QKI: variants seen among roughly 807,000 people sequenced by gnomAD.
QKI encodes the protein KH domain-containing RNA-binding protein QKI.
In QKI, 10 loss-of-function variants were observed where a neutral mutation model predicts 39.0. That is an observed-to-expected ratio of 0.26 (90% CI 0.16 to 0.43). QKI has a LOEUF of 0.43. Among genes scored for constraint, QKI ranks in the 20% least tolerant of loss-of-function variants. QKI has a pLI of 1.00. For synonymous variants in QKI, 204 were observed against 155.4 expected (o/e 1.31, Z -2.33); for missense variants, 218 against 428.0 (o/e 0.51, Z 4.33).
chr6:163,502,530 AATGTTT>A (rs1275399440), intron 3 of QKI, among the ~76,000 whole-genome samples: 1 of 152,078 alleles, frequency 6.6e-6, no homozygotes, highest in Admixed American at 6.5e-5. Context: ...AGATAAAGTG[AATGTTT>A]ATCCCCCTGC....
chr6:163,532,551 G>C (rs978473911), intron 3 of QKI, among the ~76,000 whole-genome samples: 1 of 152,182 alleles, frequency 6.6e-6, no homozygotes. Flanking sequence ...CTTTTAAAAT[G>C]TATTTAGTTG....
chr6:163,517,808 CTCTT>C (rs1437638010), intron 3 of QKI, among the ~76,000 whole-genome samples: 2 of 152,084 alleles, frequency 1.3e-5, no homozygotes, highest in African/African-American at 4.8e-5. Flanking sequence ...AATAGTGTCT[CTCTT>C]TATTTTGTCG....
At chr6:163,540,147 A>G (rs1289011735) in intron 4 of QKI, among the ~76,000 whole-genome samples, 2 of 152,006 alleles carry the variant, frequency 1.3e-5, no homozygotes, top group Non-Finnish European at 2.9e-5. Context: ...TTTTTTAGAA[A>G]GACAAAGAGT....
rs1185644817 is a variant in QKI at position 163,577,147 on chromosome 6, A to G, written c.*6437A>G. The G allele has an allele frequency of 6.6e-6, 1 of 152,150 alleles. No homozygotes were observed. The highest frequency in any genetic ancestry group is 1.5e-5 in the Non-Finnish European group (1 of 68,014). 9.4% of individuals were successfully genotyped at this position (152,150 alleles called of 1,614,324 possible). A position where few individuals can be genotyped will look rare whatever the true frequency, so the allele number is the denominator to read the frequency against. On this transcript the variant is annotated 3_prime_UTR_variant, in exon 8 of 8. Coordinates refer to ENST00000361752, the MANE Select transcript of QKI (RefSeq NM_006775.3). Reference sequence around the variant, plus strand: ...TACGAGTCTTTAACATCTAAATGTTATGACTCCTTGTACCTTAAGTTTTCC... The same window carrying G: ...TACGAGTCTTTAACATCTAAATGTTGTGACTCCTTGTACCTTAAGTTTTCC...
At chr6:163,489,157 G>A (rs1053217997) in intron 3 of QKI, among the ~76,000 whole-genome samples, 5 of 119,432 alleles carry the variant, frequency 4.2e-5, no homozygotes, top group African/African-American at 1.5e-4. Context: ...GCCTTTATTC[G>A]TTTTTTTTTT....
At chr6:163,433,765 C>T (rs1350508823) in intron 1 of QKI, among the ~76,000 whole-genome samples, 2 of 150,748 alleles carry the variant, frequency 1.3e-5, no homozygotes, top group Non-Finnish European at 3.0e-5. Flanking sequence ...AGACTCCTCT[C>T]ATAAAAAAAA....
At chr6:163,492,824 A>C (rs939579109) in intron 3 of QKI, among the ~76,000 whole-genome samples, 1 of 152,316 alleles carries the variant, frequency 6.6e-6, no homozygotes, top group Non-Finnish European at 1.5e-5. Context: ...AATATTATCA[A>C]GTGTTACAAC....
At chr6:163,546,137 G>C (rs576293058) in intron 4 of QKI, among the ~76,000 whole-genome samples, 23 of 150,694 alleles carry the variant, frequency 1.5e-4, no homozygotes, top group Non-Finnish European at 3.1e-4. Context: ...TTTATTAAAT[G>C]TATGATATTC....
chr6:163,564,731 A>G, intron 6 of QKI: 1 of 1,614,052 alleles, frequency 6.2e-7, no homozygotes, highest in Non-Finnish European at 8.5e-7. Context: ...GAAGGACTAG[A>G]ATACAGCAGC....
At chr6:163,556,723 G>A (rs1376796986) in intron 4 of QKI, among the ~76,000 whole-genome samples, 3 of 152,028 alleles carry the variant, frequency 2.0e-5, no homozygotes, top group African/African-American at 4.8e-5. Flanking sequence ...GATTATGGGC[G>A]TATCCCCCAG....
chr6:163,439,357 G>GT (rs1205870500), intron 1 of QKI, among the ~76,000 whole-genome samples: 6 of 144,560 alleles, frequency 4.2e-5, no homozygotes, highest in African/African-American at 1.0e-4. Context: ...TTTTTTTTCG[G>GT]GGGGGTGGGG....
At chr6:163,540,416 A>G (rs1416145339) in intron 4 of QKI, among the ~76,000 whole-genome samples, 1 of 152,166 alleles carries the variant, frequency 6.6e-6, no homozygotes, top group Non-Finnish European at 1.5e-5. Flanking sequence ...GAAGATTGTA[A>G]TATTTCATCA....
chr6:163,503,433 A>G (rs1778905607), intron 3 of QKI, among the ~76,000 whole-genome samples: 1 of 143,768 alleles, frequency 7.0e-6, no homozygotes. Context: ...TTGCTTGTTG[A>G]ATTGTTTAAG....
intron 4 of QKI, among the ~76,000 whole-genome samples, chr6:163,544,977 A>G (rs1470709783): frequency 6.6e-6 from 1 of 152,140 alleles, no homozygotes; most frequent in African/African-American, 2.4e-5. Context: ...TAACTGTTGA[A>G]CCATTAATAA....
chr6:163,424,199 GA>G (rs965483279), intron 1 of QKI, among the ~76,000 whole-genome samples: 13 of 151,206 alleles, frequency 8.6e-5, no homozygotes, highest in African/African-American at 2.4e-4. Context: ...ATTTTTTTAA[GA>G]AAAAAAAATT....
At chr6:163,416,892 AGG>A (rs1787551610) in intron 1 of QKI, among the ~76,000 whole-genome samples, 1 of 144,304 alleles carries the variant, frequency 6.9e-6, no homozygotes. Context: ...AAGATTGTGG[AGG>A]CAGAAAACTT....
intron 2 of QKI, among the ~76,000 whole-genome samples, chr6:163,465,422 G>A (rs1301580515): frequency 1.3e-5 from 2 of 152,026 alleles, no homozygotes; most frequent in Non-Finnish European, 2.9e-5. Context: ...TTGAGGTCAA[G>A]AGTTGGAGAC....
intron 4 of QKI, among the ~76,000 whole-genome samples, chr6:163,555,045 C>G (rs531362341): frequency 6.6e-6 from 1 of 152,310 alleles, no homozygotes; most frequent in South Asian, 2.1e-4. Context: ...CAAAATTCTT[C>G]ATAAAATGTG....
chr6:163,429,882 A>G (rs1344354508), intron 1 of QKI, among the ~76,000 whole-genome samples: 1 of 152,196 alleles, frequency 6.6e-6, no homozygotes, highest in African/African-American at 2.4e-5. Flanking sequence ...CATTCCTTCA[A>G]GTTATCTCAG....
Sources: gnomAD v4.1 joint callset for allele counts (sites outside exome capture counted in the v4.1 genomes callset) on GRCh38, gnomAD v4.1.1 for gene constraint, MANE v1.5 for transcripts, NCBI Gene and HGNC (gene_info 2026-07-23, HGNC 2026-07-21) for gene names.